The following OPCML variants were observed in gnomAD, a reference collection of about 807,000 sequenced individuals.
The protein encoded by OPCML is opioid binding protein/cell adhesion molecule like.
Under a neutral mutation model 37.8 loss-of-function variants are expected in OPCML, and 13 were observed. The ratio of observed to expected loss-of-function variants is 0.34; its 90% CI spans 0.22 to 0.55. The LOEUF is 0.55. Among genes scored for constraint, OPCML ranks in the 20% least tolerant of loss-of-function variants. The probability of loss-of-function intolerance (pLI) is 0.91; values close to 1 mark genes in which losing one functional copy is unlikely to be tolerated. For missense variants in OPCML, 341 were observed against 435.6 expected, an observed-to-expected ratio of 0.78 and a Z score of 1.93; for synonymous variants, 176 against 168.8, an observed-to-expected ratio of 1.04 and a Z score of -0.33.
intron 1 of OPCML, among the ~76,000 whole-genome samples, chr11:133,406,554 G>A (rs1050787664): frequency 3.3e-5 from 5 of 152,200 alleles, no homozygotes; most frequent in African/African-American, 4.8e-5. Context: ...TGTAGGAGCC[G>A]AGCTTTCCCT....
intron 4 of OPCML, among the ~76,000 whole-genome samples, chr11:132,498,620 T>G (rs1258405131): frequency 6.6e-6 from 1 of 152,206 alleles, no homozygotes; most frequent in African/African-American, 2.4e-5. Flanking sequence ...AAGTTTGAAT[T>G]TTCCTCTACA....
intron 3 of OPCML, among the ~76,000 whole-genome samples, chr11:132,625,416 G>A (rs2000589): frequency 0.46 from 70,007 of 151,826 alleles, 16,448 homozygotes; most frequent in South Asian, 0.51. Flanking sequence ...TCCTCCCTCT[G>A]TCAGCACTAA....
intron 2 of OPCML, among the ~76,000 whole-genome samples, chr11:132,906,538 T>C (rs778384133): frequency 3.9e-5 from 6 of 152,136 alleles, no homozygotes; most frequent in Non-Finnish European, 7.3e-5. Flanking sequence ...GGGAAATGAA[T>C]ACTATTCCAT....
intron 4 of OPCML, among the ~76,000 whole-genome samples, chr11:132,495,741 C>A (rs1460606952): frequency 6.6e-6 from 1 of 151,784 alleles, no homozygotes; most frequent in East Asian, 1.9e-4. Flanking sequence ...AATACAAAAA[C>A]AAAATTAGCT....
chr11:132,475,554 C>T (rs937886029), intron 4 of OPCML, among the ~76,000 whole-genome samples: 3 of 152,098 alleles, frequency 2.0e-5, no homozygotes, highest in African/African-American at 7.2e-5. Context: ...CAAAGAGACA[C>T]CAGAGATGCA....
At chr11:133,442,058 T>G (rs1341257886) in intron 1 of OPCML, among the ~76,000 whole-genome samples, 1 of 152,182 alleles carries the variant, frequency 6.6e-6, no homozygotes, top group Non-Finnish European at 1.5e-5. Context: ...TGTGCTAATT[T>G]TGAAGCCTTA....
At chr11:132,849,402 G>C (rs1369881600) in intron 2 of OPCML, among the ~76,000 whole-genome samples, 1 of 152,196 alleles carries the variant, frequency 6.6e-6, no homozygotes, top group Non-Finnish European at 1.5e-5. Flanking sequence ...TAGGCACTGA[G>C]GAGACCCCAG....
At chr11:132,856,461 C>A (rs565610086) in intron 2 of OPCML, among the ~76,000 whole-genome samples, 45 of 152,266 alleles carry the variant, frequency 3.0e-4, no homozygotes, top group Middle Eastern at 3.4e-3. Context: ...AGGTGATGGT[C>A]ATGCAGTTGT....
At chr11:132,922,381 G>T (rs542787981) in intron 2 of OPCML, among the ~76,000 whole-genome samples, 2 of 152,010 alleles carry the variant, frequency 1.3e-5, no homozygotes. Flanking sequence ...GTGGAGACTC[G>T]CTTGAACGAG....
At chr11:133,100,881 A>G (rs1949075306) in intron 1 of OPCML, among the ~76,000 whole-genome samples, 1 of 152,250 alleles carries the variant, frequency 6.6e-6, no homozygotes, top group Admixed American at 6.5e-5. Flanking sequence ...ACAAAGGAGA[A>G]GCCTAGATGA....
At chr11:133,314,024 A>T (rs1055761136) in intron 1 of OPCML, among the ~76,000 whole-genome samples, 1 of 151,708 alleles carries the variant, frequency 6.6e-6, no homozygotes, top group African/African-American at 2.4e-5. Flanking sequence ...TCACGAGGTC[A>T]GGAGATCGAG....
intron 2 of OPCML, among the ~76,000 whole-genome samples, chr11:132,920,827 G>A (rs1187538659): frequency 1.3e-5 from 2 of 152,196 alleles, no homozygotes; most frequent in African/African-American, 4.8e-5. Context: ...CTGGGCCCGT[G>A]CTGTCATGTC....
chr11:133,370,972 G>A lies in OPCML; in HGVS notation c.61+161292C>T, dbSNP rs139004535. Among the ~76,000 whole-genome samples the A allele has an allele frequency of 3.5e-3, 536 of 152,142 alleles. 3 individuals are homozygous for A. The highest frequency in any genetic ancestry group is 0.011 in the African/African-American group (465 of 41,522). On this transcript the variant is annotated intron_variant, in intron 1 of 7. Transcript: ENST00000524381. ...ATACAAGAAACTCAAATGATTCAGC[G>A]GCAAAACAAACAAAATCCTGTTAAA...
chr11:133,445,500 G>A (rs1946456204), intron 1 of OPCML, among the ~76,000 whole-genome samples: 1 of 152,148 alleles, frequency 6.6e-6, no homozygotes, highest in Admixed American at 6.5e-5. Context: ...GATCACCCAG[G>A]CAACGTGTTT....
Position 132,676,815 on chromosome 11 carries a change from GA to G in OPCML, c.147-19497del, listed in dbSNP as rs1436400936. 6.2e-5 allele frequency among the ~76,000 whole-genome samples: 9 copies of G among 144,916 alleles called. No homozygotes were observed. The East Asian group carries it at 1.4e-3, about 22-fold the overall frequency. ...AAAAAAAAAAAAAAAGAAAGAACGAGAAAAAAGAAGATAACTAGGGAGCAAG... is the reference window on the plus strand; with the variant it reads ...AAAAAAAAAAAAAAAGAAAGAACGAGAAAAAGAAGATAACTAGGGAGCAAG... On this transcript the variant is annotated intron_variant, in intron 2 of 7. Coordinates refer to ENST00000524381, the MANE Select transcript of OPCML (RefSeq NM_001012393.5).
intron 3 of OPCML, among the ~76,000 whole-genome samples, chr11:132,608,297 C>A (rs1423618124): frequency 6.6e-6 from 1 of 151,982 alleles, no homozygotes; most frequent in African/African-American, 2.4e-5. Context: ...CAGCAGCCAG[C>A]TCCTTGCATC....
intron 2 of OPCML, among the ~76,000 whole-genome samples, chr11:132,907,333 T>A (rs531631552): frequency 3.9e-5 from 6 of 152,228 alleles, no homozygotes; most frequent in African/African-American, 1.4e-4. Context: ...CTTTTCCTCC[T>A]CCATTTGTCC....
chr11:132,444,145 G>C (rs2096046304), intron 4 of OPCML, among the ~76,000 whole-genome samples: 1 of 152,140 alleles, frequency 6.6e-6, no homozygotes, highest in Non-Finnish European at 1.5e-5. Context: ...GGAGACACAG[G>C]AGTAATGCCT....
In OPCML at chr11:132,415,740, C is replaced by T. The variant is rs1034410926; in HGVS notation, c.*4453G>A. ...CACATTTCTTTGGACTCTAAGTATT[C>T]TGCACCTGAAGGCTAAATTGAACTG... On this transcript the variant is annotated 3_prime_UTR_variant, in exon 8 of 8. Coordinates refer to ENST00000524381, the MANE Select transcript of OPCML (RefSeq NM_001012393.5). 6.5e-6 allele frequency: 1 copy of T among 152,774 alleles called. No homozygotes were observed. Among genetic ancestry groups the T allele is most frequent in the African/African-American group, 2.4e-5 (1 of 41,574 alleles). 9.5% of individuals were successfully genotyped at this position (152,774 alleles called of 1,614,324 possible). A position where few individuals can be genotyped will look rare whatever the true frequency, so the allele number is the denominator to read the frequency against.
Sources: gnomAD v4.1 joint callset for allele counts (sites outside exome capture counted in the v4.1 genomes callset) on GRCh38, gnomAD v4.1.1 for gene constraint, MANE v1.5 for transcripts, NCBI Gene and HGNC (gene_info 2026-07-23, HGNC 2026-07-21) for gene names.